FRMPD4: variants seen among roughly 807,000 people sequenced by gnomAD.
FRMPD4 encodes the protein FERM and PDZ domain-containing protein 4.
A neutral mutation model predicts 94.1 loss-of-function variants in FRMPD4; 22 were observed. That is an observed-to-expected ratio of 0.23 (90% CI 0.17 to 0.33). The LOEUF is 0.33. Ranked by LOEUF, FRMPD4 falls within the 10% of genes least tolerant of loss-of-function variation. The probability of loss-of-function intolerance (pLI) is 1.00; values close to 1 mark genes in which losing one functional copy is unlikely to be tolerated. For synonymous variants in FRMPD4, 631 were observed against 548.6 expected (o/e 1.15, Z -2.10); for missense variants, 1,111 against 1,339.9 (o/e 0.83, Z 2.67).
chrX:11,958,776 T>C (rs922515527), intron 3 of FRMPD4, among the ~76,000 whole-genome samples: 2 of 112,363 alleles, frequency 1.8e-5, no homozygotes, highest in Non-Finnish European at 1.9e-5. Context: ...ATCCCTAAGA[T>C]ACTCATATCA....
chrX:12,551,841 G>A (rs2058540657), intron 2 of FRMPD4, among the ~76,000 whole-genome samples: 1 of 111,268 alleles, frequency 9.0e-6, no homozygotes, highest in African/African-American at 3.3e-5. Context: ...GATGCTCAGT[G>A]CTTAAACATT....
chrX:12,167,690 G>T (rs2147637658), intron 1 of FRMPD4, among the ~76,000 whole-genome samples: 1 of 111,730 alleles, frequency 9.0e-6, no homozygotes, highest in Admixed American at 9.5e-5. Flanking sequence ...CAGAGGCAGG[G>T]CACTTGTATT....
intron 1 of FRMPD4, among the ~76,000 whole-genome samples, chrX:12,283,490 CTTAA>C (rs1211123314): frequency 1.8e-5 from 2 of 112,193 alleles, no homozygotes; most frequent in East Asian, 2.8e-4. Flanking sequence ...TTGGTGCACT[CTTAA>C]TTAATGATGT....
chrX:12,314,802 T>A (rs895461705), intron 1 of FRMPD4, among the ~76,000 whole-genome samples: 16 of 111,532 alleles, frequency 1.4e-4, no homozygotes, highest in Non-Finnish European at 2.6e-4. Context: ...AAAGAGGGAC[T>A]CTAATTAGTG....
intron 1 of FRMPD4, 97 bp downstream of exon 1, chrX:12,139,109 A>G: frequency 4.3e-6 from 3 of 702,674 alleles, no homozygotes; most frequent in African/African-American, 4.4e-5. Context: ...AAAAGCTGGA[A>G]AGCGCGACGG....
chrX:12,561,204 T>A (rs1263305103), intron 2 of FRMPD4, among the ~76,000 whole-genome samples: 5 of 112,251 alleles, frequency 4.5e-5, no homozygotes, highest in African/African-American at 1.6e-4. Context: ...CTCCAGATAT[T>A]TCCACTTTTT....
Position 11,915,210 on chromosome X carries a change from T to A in FRMPD4, c.95+37192T>A, listed in dbSNP as rs150442499. 6.1e-3 allele frequency among the ~76,000 whole-genome samples: 688 copies of A among 112,668 alleles called. 13 individuals carry two copies. Among genetic ancestry groups the A allele is most frequent in the East Asian group, 0.041 (149 of 3,609 alleles). On this transcript the variant is annotated intron_variant, in intron 3 of 18. Coordinates refer to the FRMPD4 transcript ENST00000640291. ...TGTATTTCTGAACACAGAGGTCAGA[T>A]TCTCCTCTAAGCTGCATAAGATTGC...
Position 12,053,046 on chromosome X carries a change from T to C in FRMPD4, c.95+175028T>C, listed in dbSNP as rs1192574602. On this transcript the variant is annotated intron_variant, in intron 3 of 18. Coordinates refer to the FRMPD4 transcript ENST00000640291. ...GATTCTTGTGAAACACTGTTAAAAA[T>C]TGAATTTAAGGTCAGATGCAATGAC... is the stretch of plus-strand genomic sequence containing the variant. 6.3e-5 allele frequency among the ~76,000 whole-genome samples: 7 copies of C among 110,837 alleles called. No homozygotes were observed. The East Asian group carries it at 1.1e-3, about 18-fold the overall frequency.
intron 1 of FRMPD4, among the ~76,000 whole-genome samples, chrX:12,360,907 G>C (rs1460713617): frequency 9.5e-6 from 1 of 104,906 alleles, no homozygotes; most frequent in Non-Finnish European, 1.9e-5. Flanking sequence ...GACATCTGTA[G>C]CTTCTTGTAT....
intron 3 of FRMPD4, among the ~76,000 whole-genome samples, chrX:11,957,199 G>A (rs1324601780): frequency 4.5e-5 from 5 of 111,544 alleles, no homozygotes; most frequent in African/African-American, 9.8e-5. Flanking sequence ...AAATGAACAC[G>A]TAAAATATTT....
At chrX:12,177,491 A>G (rs776765129) in intron 1 of FRMPD4, among the ~76,000 whole-genome samples, 38 of 112,633 alleles carry the variant, frequency 3.4e-4, no homozygotes, top group Admixed American at 2.0e-3. Flanking sequence ...AATTTTTCAG[A>G]TGAATGAAGG....
At chrX:11,850,689 T>C (rs1022052401) in intron 1 of FRMPD4, among the ~76,000 whole-genome samples, 3 of 112,202 alleles carry the variant, frequency 2.7e-5, no homozygotes, top group African/African-American at 9.7e-5. Context: ...CTAAGTATAA[T>C]AAGCCAGCCA....
At chrX:12,244,376 G>A (rs2053924669) in intron 1 of FRMPD4, among the ~76,000 whole-genome samples, 1 of 111,690 alleles carries the variant, frequency 9.0e-6, no homozygotes, top group South Asian at 3.8e-4. Flanking sequence ...GCACTTAGTG[G>A]ATGGGGAGAT....
At chrX:12,300,819 G>A (rs1028241694) in intron 1 of FRMPD4, among the ~76,000 whole-genome samples, 2 of 111,636 alleles carry the variant, frequency 1.8e-5, no homozygotes, top group African/African-American at 6.5e-5. Flanking sequence ...TCTTAATCCA[G>A]GAGACTCTGG....
chrX:12,363,346 A>C (rs1601860064), intron 1 of FRMPD4, among the ~76,000 whole-genome samples: 1 of 112,794 alleles, frequency 8.9e-6, no homozygotes, highest in East Asian at 2.8e-4. Context: ...CCATATGTCA[A>C]GTATTAGCTA....
intron 4 of FRMPD4, among the ~76,000 whole-genome samples, chrX:12,651,338 G>A (rs1158098812): frequency 1.2e-5 from 1 of 81,651 alleles, no homozygotes; most frequent in Non-Finnish European, 2.5e-5. Context: ...CACCCACTAG[G>A]ATTTTTTTTT....
intron 3 of FRMPD4, among the ~76,000 whole-genome samples, chrX:12,030,040 G>T (rs1423450797): frequency 2.7e-5 from 3 of 111,546 alleles, no homozygotes; most frequent in Non-Finnish European, 5.7e-5. Flanking sequence ...AATGAGAATT[G>T]TTACATATAT....
chrX:12,717,031 G>A lies in FRMPD4; in HGVS notation c.2572G>A (p.Glu858Lys), dbSNP rs1202255481. ...CATTGACGCTGTGCCCACCAGCGCC[G>A]AAGGCAAGTGTGAGAAGGGACTGGA... ...SLIDAVPTSA[E>K]GKCEKGLDNA... The change falls in exon 15 of 17, where the codon GAA becomes AAA. Residue 858 changes from glutamate to lysine, a missense_variant. Transcript: ENST00000675598. 4.1e-6 allele frequency: 5 copies of A among 1,209,510 alleles called. No homozygotes were observed. Among genetic ancestry groups the A allele is most frequent in the South Asian group, 3.5e-5 (2 of 56,960 alleles).
At chrX:12,507,779 T>C (rs1257652372) in intron 2 of FRMPD4, among the ~76,000 whole-genome samples, 2 of 111,798 alleles carry the variant, frequency 1.8e-5, no homozygotes, top group Non-Finnish European at 3.8e-5. Context: ...TTAAAGGTTG[T>C]TCTAGGAACA....
Sources: allele counts gnomAD v4.1 joint callset (sites outside exome capture counted in the v4.1 genomes callset), GRCh38; gene constraint gnomAD v4.1.1; transcripts MANE v1.5; gene names NCBI Gene and HGNC (gene_info 2026-07-23, HGNC 2026-07-21).